The following ADGRF3 variants were observed in gnomAD, a reference collection of about 807,000 sequenced individuals.
ADGRF3 encodes the protein adhesion G protein-coupled receptor F3, also known as G protein-coupled receptor 113.
In ADGRF3, 85 loss-of-function variants were observed where a neutral mutation model predicts 93.2. That is an observed-to-expected ratio of 0.91 (90% CI 0.77 to 1.09). The LOEUF (loss-of-function observed/expected upper bound fraction) is 1.09. ADGRF3 is among the 50% of genes least tolerant of loss of function. The probability of loss-of-function intolerance (pLI) is 0.00; values close to 1 mark genes in which losing one functional copy is unlikely to be tolerated. For missense variants in ADGRF3, 1,125 were observed against 1,246.2 expected (o/e 0.90, Z 1.46); for synonymous variants, 534 against 532.5 (o/e 1.00, Z -0.04).
rs146617507 is a variant in ADGRF3 at position 26,312,582 on chromosome 2, C to G, written c.1449+361G>C. ...GCAGCTCATGGGTCACCAATGGATG[C>G]CCATACAGAGAGCCGATTTAGGTGA... is the stretch of plus-strand genomic sequence containing the variant. On this transcript the variant is annotated intron_variant, in intron 9 of 13. Transcript: ENST00000651242. Among the ~76,000 whole-genome samples the G allele has an allele frequency of 5.3e-4, 80 of 152,336 alleles. 3 individuals carry two copies. The East Asian group carries it at 0.014, about 27-fold the overall frequency.
At chr2:26,314,837 G>A (rs759231659) in intron 5 of ADGRF3, 4 of 577,606 alleles carry the variant, frequency 6.9e-6, no homozygotes, top group South Asian at 4.1e-5. Context: ...CTCTTTTATC[G>A]GCCCATGCCC....
chr2:26,315,440 G>A (rs1674562334), intron 5 of ADGRF3, 82 bp downstream of exon 5: 1 of 1,416,500 alleles, frequency 7.1e-7, no homozygotes, highest in Admixed American at 2.3e-5. Flanking sequence ...AAGAAGAGGT[G>A]AAGGAAAGCA....
chr2:26,336,293 C>A (rs1676028452), intron 1 of ADGRF3, among the ~76,000 whole-genome samples: 1 of 130,762 alleles, frequency 7.6e-6, no homozygotes. Context: ...TATGAATAAT[C>A]CTGCATTCTG....
chr2:26,319,757 C>T (rs1449389673), intron 1 of ADGRF3, among the ~76,000 whole-genome samples: 1 of 151,884 alleles, frequency 6.6e-6, no homozygotes, highest in Non-Finnish European at 1.5e-5. Context: ...CCCTCTGTTG[C>T]CCGGGCTAGA....
intron 1 of ADGRF3, among the ~76,000 whole-genome samples, chr2:26,329,698 A>G (rs767551643): frequency 1.8e-4 from 27 of 152,282 alleles, no homozygotes; most frequent in Non-Finnish European, 3.5e-4. Flanking sequence ...GTAATTTAAT[A>G]CAGAGCTCAT....
intron 1 of ADGRF3, among the ~76,000 whole-genome samples, chr2:26,343,910 GA>G (rs1262318895): frequency 6.6e-6 from 1 of 152,198 alleles, no homozygotes; most frequent in Non-Finnish European, 1.5e-5. Flanking sequence ...ACCTTATGCA[GA>G]GAAGCAGCAA....
rs777822998 is a variant in ADGRF3, at chr2:26,313,541, C to T, written c.1105G>A (p.Val369Met). Residue 369 changes from valine (V) to methionine (M), a missense_variant, in exon 8 of 14, where the codon GTG becomes ATG. Coordinates refer to ENST00000651242, the MANE Select transcript of ADGRF3 (RefSeq NM_001321971.2). Reference sequence around the variant, plus strand: ...GCCTTGGTGACATTCCAGGTGAGCACCGAGGCGTCCTCAGGGCAGGTGATG... The same window carrying T: ...GCCTTGGTGACATTCCAGGTGAGCATCGAGGCGTCCTCAGGGCAGGTGATG... ...GDITCPEDAS[V>M]LTWNVTKAGH... 6.2e-7 allele frequency: 1 copy of T among 1,609,496 alleles called. No homozygotes were observed. The highest frequency in any genetic ancestry group is 2.2e-5 in the East Asian group (1 of 44,832).
chr2:26,325,516 G>A (rs1047385202), intron 1 of ADGRF3, among the ~76,000 whole-genome samples: 1 of 152,146 alleles, frequency 6.6e-6, no homozygotes, highest in South Asian at 2.1e-4. Context: ...AGAAAACCCT[G>A]CTTCAGCGTT....
intron 1 of ADGRF3, among the ~76,000 whole-genome samples, chr2:26,342,030 G>A (rs777071507): frequency 7.3e-5 from 11 of 150,872 alleles, no homozygotes; most frequent in Non-Finnish European, 1.3e-4. Flanking sequence ...CTGATATTGC[G>A]CCACTGCACT....
chr2:26,318,942 G>A, intron 1 of ADGRF3: 1 of 1,551,708 alleles, frequency 6.4e-7, no homozygotes, highest in Non-Finnish European at 8.7e-7. Context: ...GACCTTCCCT[G>A]GGTCTCACCC....
At chr2:26,319,616 T>TTCC in intron 1 of ADGRF3, among the ~76,000 whole-genome samples, 1 of 56,442 alleles carries the variant, frequency 1.8e-5, no homozygotes, top group Non-Finnish European at 4.0e-5. Context: ...CCTTCCTTCC[T>TTCC]TTCTTTCTTT....
At chr2:26,317,373 G>T in intron 2 of ADGRF3, 123 bp downstream of exon 2, 1 of 925,780 alleles carries the variant, frequency 1.1e-6, no homozygotes, top group Non-Finnish European at 1.7e-6. Flanking sequence ...ATCAGAGCCA[G>T]TCCTCTCTCT....
At chr2:26,337,797 C>T (rs919829972) in intron 1 of ADGRF3, among the ~76,000 whole-genome samples, 6 of 151,826 alleles carry the variant, frequency 4.0e-5, no homozygotes, top group African/African-American at 9.7e-5. Context: ...CCGAGGCAGG[C>T]GGATCGCTTG....
At position 26,311,041 on chromosome 2, in the gene ADGRF3, C is replaced by T; in HGVS notation, c.2483G>A (p.Gly828Glu). ...MVLLGYLCPLGLAGVTLGLYL... is the reference protein window; with the variant it reads ...MVLLGYLCPLELAGVTLGLYL... ...GAGCCCCAGGGTGACACCTGCCAAC[C>T]CCAGTGGGCACAGGTAGCCCAGGAG... The change falls in exon 10 of 14, where the codon GGG (glycine) becomes GAG (glutamate). Residue 828 changes from glycine (G) to glutamate (E), a missense_variant. Coordinates refer to ENST00000651242, the MANE Select transcript of ADGRF3 (RefSeq NM_001321971.2). The T allele has an allele frequency of 2.5e-6, 4 of 1,610,660 alleles. No individual in the cohort carries two copies. The highest frequency in any genetic ancestry group is 3.4e-6 in the Non-Finnish European group (4 of 1,178,532).
intron 1 of ADGRF3, among the ~76,000 whole-genome samples, chr2:26,327,734 AAGAC>A (rs1197254260): frequency 6.6e-6 from 1 of 150,620 alleles, no homozygotes; most frequent in East Asian, 2.0e-4. Flanking sequence ...GAGAGAGACA[AAGAC>A]AGAGAGAGAA....
Position 26,315,891 on chromosome 2 carries a change from A to G in ADGRF3, c.500-151T>C, listed in dbSNP as rs193104928. 7.4e-4 allele frequency: 871 copies of G among 1,179,124 alleles called. 9 individuals carry two copies. In the African/African-American group the frequency reaches 0.012, roughly 16 times the overall value. The allele number at this position is 1,179,124 out of a possible 1,614,324, so 73.0% of individuals were successfully genotyped here. A position where few individuals can be genotyped will look rare whatever the true frequency, so the allele number is the denominator to read the frequency against. ...TTTTTCTTTTTGTCCCTGGGTGGGC[A>G]CCTGAATGTGGCTGCTGCAATCCAG... On this transcript the variant is annotated intron_variant, in intron 4 of 13. Transcript: ENST00000651242.
intron 1 of ADGRF3, among the ~76,000 whole-genome samples, chr2:26,337,508 A>G (rs1210671775): frequency 6.6e-6 from 1 of 152,256 alleles, no homozygotes; most frequent in Non-Finnish European, 1.5e-5. Flanking sequence ...CAAATTGCTG[A>G]CCCACAGAAT....
intron 6 of ADGRF3, among the ~76,000 whole-genome samples, 185 bp from the exon 7 acceptor site, chr2:26,314,088 C>T (rs927643639): frequency 6.6e-6 from 1 of 152,208 alleles, no homozygotes; most frequent in Non-Finnish European, 1.5e-5. Context: ...CTGGAGGGGA[C>T]TGTGGGGTCT....
chr2:26,310,331 G>A, intron 10 of ADGRF3, 94 bp from the exon 11 acceptor site: 2 of 1,389,852 alleles, frequency 1.4e-6, no homozygotes, highest in Non-Finnish European at 2.0e-6. Flanking sequence ...CACATCCTAA[G>A]GCTTCTCATC....
Sources: allele counts gnomAD v4.1 joint callset (sites outside exome capture counted in the v4.1 genomes callset), GRCh38; gene constraint gnomAD v4.1.1; transcripts MANE v1.5; gene names NCBI Gene and HGNC (gene_info 2026-07-23, HGNC 2026-07-21).